Variants in MRPS6 observed in about 807,000 individuals in gnomAD.
MRPS6 encodes the protein small ribosomal subunit protein bS6m.
In MRPS6, 6 loss-of-function variants were observed where a neutral mutation model predicts 13.1. The observed-to-expected ratio is 0.46, with a 90% CI of 0.25 to 0.91. MRPS6 has a LOEUF of 0.91. MRPS6 is among the 40% of genes least tolerant of loss of function. The probability of loss-of-function intolerance (pLI) is 0.18; values close to 1 mark genes in which losing one functional copy is unlikely to be tolerated. For missense variants in MRPS6, 164 were observed against 155.6 expected (o/e 1.05, Z -0.29); for synonymous variants, 61 against 56.5 (o/e 1.08, Z -0.36).
At chr21:34,126,254 A>G (rs1980301179) in intron 2 of MRPS6, among the ~76,000 whole-genome samples, 1 of 152,184 alleles carries the variant, frequency 6.6e-6, no homozygotes, top group Non-Finnish European at 1.5e-5. Flanking sequence ...TCCCATCTGC[A>G]TTGCCACAAG....
Position 34,095,901 on chromosome 21 carries a change from A to G in MRPS6, c.45+22156A>G, listed in dbSNP as rs781676280. ...CATCTTATTGACATACAACCTTTCC[A>G]ACACAAATTCTTGTAATGTCTCCCC... is the stretch of plus-strand genomic sequence containing the variant. On this transcript the variant is annotated intron_variant, in intron 1 of 2. Coordinates refer to ENST00000399312, the MANE Select transcript of MRPS6 (RefSeq NM_032476.4). 15 of 1,614,016 alleles carry G rather than the reference A, an allele frequency of 9.3e-6. No homozygotes were observed. Among genetic ancestry groups the G allele is most frequent in the Admixed American group, 8.3e-5 (5 of 60,008 alleles).
chr21:34,142,445 G>A lies in MRPS6; in HGVS notation c.223G>A (p.Val75Ile). Residue 75 changes from valine to isoleucine, a missense_variant, in exon 3 of 3, where the codon GTT (valine) becomes ATT (isoleucine). Coordinates refer to ENST00000399312, the MANE Select transcript of MRPS6 (RefSeq NM_032476.4). ...LVDFYAPTAA[V>I]ESMVEHLSRD... Reference sequence around the variant, plus strand: ...GGATTTTTATGCACCCACCGCAGCTGTTGAAAGCATGGTGGAGCACTTGTC... The same window carrying A: ...GGATTTTTATGCACCCACCGCAGCTATTGAAAGCATGGTGGAGCACTTGTC... The A allele has an allele frequency of 6.2e-7, 1 of 1,600,488 alleles. No homozygotes were observed. Among genetic ancestry groups the A allele is most frequent in the Non-Finnish European group, 8.5e-7 (1 of 1,174,752 alleles).
At chr21:34,089,474 C>T (rs1978569445) in intron 1 of MRPS6, among the ~76,000 whole-genome samples, 1 of 151,908 alleles carries the variant, frequency 6.6e-6, no homozygotes, top group Non-Finnish European at 1.5e-5. Context: ...TCTTATTTCT[C>T]TGAGATTTCT....
At chr21:34,135,423 C>T in intron 2 of MRPS6, 1 of 413,126 alleles carries the variant, frequency 2.4e-6, no homozygotes, top group Admixed American at 2.5e-5. Flanking sequence ...TGGGCATCAG[C>T]TGGGAAAATC....
At chr21:34,101,425 A>G in intron 1 of MRPS6, 1 of 1,000,180 alleles carries the variant, frequency 1.0e-6, no homozygotes, top group Non-Finnish European at 1.2e-6. Context: ...CAGTATTTGT[A>G]AGATTTTGCA....
chr21:34,104,414 G>A (rs1979387489), intron 1 of MRPS6: 1 of 999,978 alleles, frequency 1.0e-6, no homozygotes, highest in Admixed American at 6.2e-5. Flanking sequence ...ATGAATGAAT[G>A]TCTTTGTCTT....
chr21:34,129,185 G>T lies in MRPS6; in HGVS notation c.185+3705G>T, dbSNP rs533709893. Reference sequence around the variant, plus strand: ...TTTAGACCCGTGCTATAAAGGGGCAGGCATCTTACTGAATGATAGTAACAG... The same window carrying T: ...TTTAGACCCGTGCTATAAAGGGGCATGCATCTTACTGAATGATAGTAACAG... On this transcript the variant is annotated intron_variant, in intron 2 of 2. Transcript: ENST00000399312. Among the ~76,000 whole-genome samples, 7 of 152,228 alleles carry T rather than the reference G, an allele frequency of 4.6e-5. 1 individual carries two copies. The South Asian group carries it at 1.5e-3, about 32-fold the overall frequency.
At chr21:34,110,432 A>G (rs1309005472) in intron 1 of MRPS6, among the ~76,000 whole-genome samples, 2 of 151,860 alleles carry the variant, frequency 1.3e-5, no homozygotes, top group African/African-American at 2.4e-5. Context: ...GTGAGCTACT[A>G]TTGTGCCACT....
At chr21:34,128,520 A>T (rs925423524) in intron 2 of MRPS6, among the ~76,000 whole-genome samples, 1 of 152,200 alleles carries the variant, frequency 6.6e-6, no homozygotes, top group East Asian at 1.9e-4. Flanking sequence ...GTTTATTATT[A>T]TATCAAGACT....
intron 1 of MRPS6, among the ~76,000 whole-genome samples, chr21:34,080,943 C>A (rs746698416): frequency 2.0e-5 from 3 of 152,210 alleles, no homozygotes; most frequent in Non-Finnish European, 4.4e-5. Context: ...ATTTCCAAGA[C>A]TGTTTTATGA....
chr21:34,135,529 A>C (rs1210930085), intron 2 of MRPS6: 1 of 503,886 alleles, frequency 2.0e-6, no homozygotes, highest in Non-Finnish European at 4.0e-6. Flanking sequence ...CTCATCTGCC[A>C]GGCACTCAGC....
chr21:34,125,631 GCAGA>G, intron 2 of MRPS6, 151 bp downstream of exon 2: 2 of 1,215,704 alleles, frequency 1.6e-6, no homozygotes, highest in Non-Finnish European at 2.2e-6. Context: ...GTCTTGTGTT[GCAGA>G]TGGGATGTGA....
intron 1 of MRPS6, chr21:34,100,292 A>G (rs1429127283): frequency 1.0e-6 from 1 of 1,000,120 alleles, no homozygotes; most frequent in Non-Finnish European, 1.2e-6. Context: ...TTACATTGGT[A>G]TGCAGGATGA....
In MRPS6 at chr21:34,096,764, G is replaced by A. The variant is rs778548781; in HGVS notation, c.45+23019G>A. ...TGGCCACAGGATTGTTTTGGGTCAC[G>A]GGACTCATTACTGTAATTGTGAGCC... On this transcript the variant is annotated intron_variant, in intron 1 of 2. Coordinates refer to ENST00000399312, the MANE Select transcript of MRPS6 (RefSeq NM_032476.4). This position sits in a 1 kb window ranked among gnomAD's most constrained non-coding sequence, Gnocchi z 5.9. 5.5e-5 allele frequency: 88 copies of A among 1,613,858 alleles called. No homozygotes were observed. Among genetic ancestry groups the A allele is most frequent in the Non-Finnish European group, 7.2e-5 (85 of 1,179,966 alleles).
At chr21:34,103,965 T>C (rs1979361646) in intron 1 of MRPS6, 1 of 1,000,226 alleles carries the variant, frequency 1.0e-6, no homozygotes, top group Non-Finnish European at 1.2e-6. Flanking sequence ...AGCTGTAGTG[T>C]GATTGGGGTT....
intron 2 of MRPS6, among the ~76,000 whole-genome samples, chr21:34,137,106 T>G (rs1471755655): frequency 6.6e-6 from 1 of 152,222 alleles, no homozygotes; most frequent in African/African-American, 2.4e-5. Flanking sequence ...CAGGTGGTGT[T>G]AGTCCTTCAA....
intron 2 of MRPS6, among the ~76,000 whole-genome samples, chr21:34,137,004 G>A (rs1283745086): frequency 6.6e-6 from 1 of 152,024 alleles, no homozygotes; most frequent in Admixed American, 6.6e-5. Context: ...CTCTATTTTT[G>A]TACTCCATTC....
chr21:34,095,754 ACT>A, intron 1 of MRPS6: 1 of 1,613,652 alleles, frequency 6.2e-7, no homozygotes, highest in Non-Finnish European at 8.5e-7. Flanking sequence ...CTACACAGAC[ACT>A]CTGCAGGCTC....
chr21:34,126,510 A>T (rs1360381000), intron 2 of MRPS6, among the ~76,000 whole-genome samples: 1 of 152,252 alleles, frequency 6.6e-6, no homozygotes, highest in Non-Finnish European at 1.5e-5. Flanking sequence ...AGAATGCCTG[A>T]GGCGTTGCTA....
Sources: gnomAD v4.1 joint callset for allele counts (sites outside exome capture counted in the v4.1 genomes callset) on GRCh38, gnomAD v4.1.1 for gene constraint, Gnocchi (gnomAD v3.1) non-coding constraint, MANE v1.5 for transcripts, NCBI Gene and HGNC (gene_info 2026-07-23, HGNC 2026-07-21) for gene names.